The following RICTOR variants were observed in gnomAD, a reference collection of about 807,000 sequenced individuals.
The protein encoded by RICTOR is RPTOR independent companion of MTOR complex 2, also known as rapamycin-insensitive companion of mTOR.
Under a neutral mutation model 214.9 loss-of-function variants are expected in RICTOR, and 49 were observed. The observed-to-expected ratio is 0.23, with a 90% CI of 0.18 to 0.29. RICTOR has a LOEUF of 0.29. Ranked by LOEUF, RICTOR falls within the 10% of genes least tolerant of loss-of-function variation. RICTOR has a pLI of 1.00. For missense variants in RICTOR, 1,625 were observed against 2,047.0 expected, an observed-to-expected ratio of 0.79 and a Z score of 3.98; for synonymous variants, 717 against 711.3, an observed-to-expected ratio of 1.01 and a Z score of -0.13.
chr5:38,970,621 C>T (rs980405323), intron 11 of RICTOR: 2 of 152,020 alleles, frequency 1.3e-5, no homozygotes, highest in African/African-American at 4.8e-5. Flanking sequence ...TTTTTCACCT[C>T]CAGGTTTGGT....
At chr5:39,046,288 CAG>C (rs1393429745) in intron 2 of RICTOR, among the ~76,000 whole-genome samples, 1 of 150,806 alleles carries the variant, frequency 6.6e-6, no homozygotes, top group African/African-American at 2.4e-5. Context: ...CACTTGAGCC[CAG>C]GTGATTGAAG....
At chr5:38,997,456 A>G (rs1471795663) in intron 5 of RICTOR, among the ~76,000 whole-genome samples, 3 of 152,178 alleles carry the variant, frequency 2.0e-5, no homozygotes, top group African/African-American at 7.2e-5. Flanking sequence ...TAGAAGCATA[A>G]TTTTTATTTA....
intron 7 of RICTOR, among the ~76,000 whole-genome samples, chr5:38,983,724 G>C (rs926487725): frequency 6.6e-6 from 1 of 152,202 alleles, no homozygotes; most frequent in South Asian, 2.1e-4. Flanking sequence ...AGCACTTTGG[G>C]AGGCTGAGGC....
chr5:39,037,562 G>C (rs1756816691), intron 2 of RICTOR, among the ~76,000 whole-genome samples: 1 of 152,096 alleles, frequency 6.6e-6, no homozygotes, highest in Non-Finnish European at 1.5e-5. Flanking sequence ...AAAATTGATA[G>C]AACGCTAGCA....
intron 2 of RICTOR, among the ~76,000 whole-genome samples, chr5:39,035,958 A>G (rs1243855844): frequency 1.3e-5 from 2 of 152,084 alleles, no homozygotes; most frequent in African/African-American, 4.8e-5. Context: ...TTCAGGAAAC[A>G]CACAGAACGC....
intron 2 of RICTOR, among the ~76,000 whole-genome samples, chr5:39,029,638 T>G (rs1455655878): frequency 6.6e-6 from 1 of 152,120 alleles, no homozygotes; most frequent in Non-Finnish European, 1.5e-5. Flanking sequence ...AAAAAAACCT[T>G]TGGAATAAAA....
intron 3 of RICTOR, among the ~76,000 whole-genome samples, chr5:39,013,987 T>A (rs1754747315): frequency 6.6e-6 from 1 of 152,164 alleles, no homozygotes; most frequent in Non-Finnish European, 1.5e-5. Context: ...AATACTATAT[T>A]TTTACTGTAT....
intron 1 of RICTOR, 36 bp downstream of exon 1, chr5:39,074,286 GCGGGCGC>G: frequency 6.4e-7 from 1 of 1,565,018 alleles, no homozygotes; most frequent in Admixed American, 1.9e-5. Flanking sequence ...GCCAGGGGTG[GCGGGCGC>G]CGGGCGGTGG....
At chr5:39,002,391 T>C (rs1328249674) in intron 5 of RICTOR, 144 bp downstream of exon 5, 2 of 496,478 alleles carry the variant, frequency 4.0e-6, no homozygotes, top group Non-Finnish European at 7.1e-6. Flanking sequence ...GTTGTGTGTG[T>C]GTGTGTGTGT....
intron 2 of RICTOR, among the ~76,000 whole-genome samples, chr5:39,047,260 G>A (rs1296764725): frequency 6.6e-6 from 1 of 152,158 alleles, no homozygotes; most frequent in East Asian, 1.9e-4. Context: ...TGGGGGGGAT[G>A]GTTTCAGATG....
At chr5:39,009,450 T>C (rs1293881395) in intron 3 of RICTOR, among the ~76,000 whole-genome samples, 1 of 152,080 alleles carries the variant, frequency 6.6e-6, no homozygotes, top group Non-Finnish European at 1.5e-5. Context: ...GCATCTCAAA[T>C]GCAAGAAAAG....
chr5:39,062,454 C>T (rs1758609695), intron 2 of RICTOR, among the ~76,000 whole-genome samples: 1 of 150,814 alleles, frequency 6.6e-6, no homozygotes, highest in African/African-American at 2.4e-5. Flanking sequence ...GTGGTGGTGA[C>T]GGTAGTGTGG....
chr5:38,970,124 C>T (rs976190716), intron 11 of RICTOR: 1 of 152,130 alleles, frequency 6.6e-6, no homozygotes, highest in African/African-American at 2.4e-5. Flanking sequence ...TACCACATAA[C>T]CTAGGTGTGT....
At chr5:38,995,989 A>G (rs1010754961) in intron 6 of RICTOR, among the ~76,000 whole-genome samples, 4 of 152,218 alleles carry the variant, frequency 2.6e-5, no homozygotes, top group Admixed American at 6.5e-5. Context: ...AATTTTAAGA[A>G]AAGGGAAAAA....
At chr5:38,986,748 C>G (rs879447952) in intron 7 of RICTOR, among the ~76,000 whole-genome samples, 11 of 152,220 alleles carry the variant, frequency 7.2e-5, no homozygotes, top group Non-Finnish European at 1.2e-4. Flanking sequence ...GCCAGAACTT[C>G]TAATACTATG....
chr5:38,953,704 A>G (rs1232653490), intron 27 of RICTOR, 151 bp from the exon 28 acceptor site: 6 of 332,646 alleles, frequency 1.8e-5, no homozygotes, highest in Non-Finnish European at 2.7e-5. Flanking sequence ...CTTGAGAAGC[A>G]GCATAGGGCA....
intron 11 of RICTOR, among the ~76,000 whole-genome samples, chr5:38,968,343 G>A (rs771085672): frequency 1.3e-5 from 2 of 151,884 alleles, no homozygotes; most frequent in Non-Finnish European, 2.9e-5. Flanking sequence ...TTGTTTAAAA[G>A]CATTATATAT....
intron 2 of RICTOR, among the ~76,000 whole-genome samples, chr5:39,067,997 G>C (rs1160075435): frequency 6.6e-6 from 1 of 152,160 alleles, no homozygotes; most frequent in African/African-American, 2.4e-5. Flanking sequence ...TAAAGATCTA[G>C]TGAAGGGGGA....
intron 2 of RICTOR, among the ~76,000 whole-genome samples, chr5:39,030,048 T>C (rs1422051326): frequency 6.6e-6 from 1 of 152,154 alleles, no homozygotes; most frequent in Non-Finnish European, 1.5e-5. Flanking sequence ...CTTCCAGAGC[T>C]ATGTTAATGA....
Sources: allele counts gnomAD v4.1 joint callset (sites outside exome capture counted in the v4.1 genomes callset), GRCh38; gene constraint gnomAD v4.1.1; transcripts MANE v1.5; gene names NCBI Gene and HGNC (gene_info 2026-07-23, HGNC 2026-07-21).